ATP11B: variants seen among roughly 807,000 people sequenced by gnomAD.
ATP11B encodes the protein phospholipid-transporting ATPase IF.
Under a neutral mutation model 157.8 loss-of-function variants are expected in ATP11B, and 81 were observed. The ratio of observed to expected loss-of-function variants is 0.51; its 90% CI spans 0.43 to 0.62. The LOEUF is 0.62. ATP11B is among the 20% of genes least tolerant of loss of function. The probability of loss-of-function intolerance (pLI) is 0.00; values close to 1 mark genes in which losing one functional copy is unlikely to be tolerated. For synonymous variants in ATP11B, 451 were observed against 469.4 expected (o/e 0.96, Z 0.51); for missense variants, 1,165 against 1,402.2 (o/e 0.83, Z 2.70).
intron 12 of ATP11B, among the ~76,000 whole-genome samples, chr3:182,863,743 A>G (rs562873373): frequency 6.6e-6 from 1 of 151,958 alleles, no homozygotes; most frequent in East Asian, 1.9e-4. Context: ...AAGTTAATTT[A>G]TTTTATCCAT....
chr3:182,875,078 T>C (rs1007439602), intron 19 of ATP11B, among the ~76,000 whole-genome samples: 5 of 152,200 alleles, frequency 3.3e-5, no homozygotes, highest in Non-Finnish European at 5.9e-5. Context: ...TGTAAATCTA[T>C]CTTTTATAGG....
Position 182,869,186 on chromosome 3 carries a change from T to C in ATP11B, c.1762+35T>C, listed in dbSNP as rs1174782944. 1.4e-5 allele frequency: 23 copies of C among 1,598,588 alleles called. No individual in the cohort carries two copies. The East Asian group carries it at 5.2e-4, about 36-fold the overall frequency. On this transcript the variant is annotated intron_variant, in intron 16 of 29. Coordinates refer to ENST00000323116, the MANE Select transcript of ATP11B (RefSeq NM_014616.3). ...CTAAACTTTCATGAATTTTTATTTA[T>C]GTAATATTAAGAGTCTGATAACTCA...
chr3:182,809,251 A>ATTATT (rs920061432), intron 1 of ATP11B, among the ~76,000 whole-genome samples: 1 of 151,708 alleles, frequency 6.6e-6, no homozygotes, highest in African/African-American at 2.4e-5. Context: ...TTTAATTTTA[A>ATTATT]TTATTTTATT....
intron 29 of ATP11B, chr3:182,917,087 A>G (rs1042002126): frequency 5.1e-6 from 5 of 985,244 alleles, no homozygotes; most frequent in Non-Finnish European, 6.0e-6. Flanking sequence ...GTTGAGCTAC[A>G]TACAAACTTA....
chr3:182,905,507 A>G (rs1368079974), intron 28 of ATP11B, among the ~76,000 whole-genome samples: 2 of 152,236 alleles, frequency 1.3e-5, no homozygotes, highest in African/African-American at 4.8e-5. Context: ...AAATGAATTT[A>G]ATAGAAGAAA....
chr3:182,917,500 A>G (rs1242757297), intron 29 of ATP11B: 13 of 985,266 alleles, frequency 1.3e-5, no homozygotes, highest in Non-Finnish European at 1.6e-5. Context: ...CTAGTGACCT[A>G]CAGGTGTCTT....
chr3:182,860,597 A>G (rs1298386403), intron 12 of ATP11B, among the ~76,000 whole-genome samples: 2 of 152,134 alleles, frequency 1.3e-5, no homozygotes, highest in South Asian at 2.1e-4. Flanking sequence ...ATGTCTTTCT[A>G]TGTTTCTCTT....
rs533597351 is a variant in ATP11B at position 182,849,914 on chromosome 3, GAAAAATATAA to G, written c.851+1359_851+1368del. Among the ~76,000 whole-genome samples the G allele has an allele frequency of 1.5e-3, 229 of 152,084 alleles. 1 individual carries two copies. Among genetic ancestry groups the G allele is most frequent in the Non-Finnish European group, 2.6e-3 (178 of 67,986 alleles). Reference sequence around the variant, plus strand: ...ACCAAGATCAGCAAACTCTAAGCAGGAAAAATATAAAGAAATATAAAGAAACCCACACCAA... The same window carrying G: ...ACCAAGATCAGCAAACTCTAAGCAGGAGAAATATAAAGAAACCCACACCAA... On this transcript the variant is annotated intron_variant, in intron 10 of 29. Coordinates refer to ENST00000323116, the MANE Select transcript of ATP11B (RefSeq NM_014616.3).
chr3:182,879,756 AT>A, intron 20 of ATP11B, 107 bp downstream of exon 20: 1 of 1,034,418 alleles, frequency 9.7e-7, no homozygotes, highest in Non-Finnish European at 1.3e-6. Context: ...CAATATATAC[AT>A]TTTGCTAGGA....
chr3:182,808,217 A>C (rs1035560551), intron 1 of ATP11B, among the ~76,000 whole-genome samples: 3 of 152,214 alleles, frequency 2.0e-5, no homozygotes, highest in African/African-American at 7.2e-5. Flanking sequence ...TTAAGGTACG[A>C]TAAGTTCAGA....
chr3:182,861,454 C>T (rs2108536592), intron 12 of ATP11B, among the ~76,000 whole-genome samples: 1 of 152,294 alleles, frequency 6.6e-6, no homozygotes, highest in East Asian at 1.9e-4. Flanking sequence ...ATAAATACGG[C>T]ACTTACCTGG....
rs371088881 is a variant in ATP11B, at chr3:182,884,779, G to A, written c.2536G>A (p.Ala846Thr). 2 of 1,596,644 alleles carry A rather than the reference G, an allele frequency of 1.3e-6. No homozygotes were observed. The highest frequency in any genetic ancestry group is 1.4e-5 in the African/African-American group (1 of 73,864). The change falls in exon 22 of 30, where the codon GCT becomes ACT. Residue 846 changes from alanine to threonine, a missense_variant. By Grantham distance (58) the Ala-to-Thr change is moderately conservative. Transcript: ENST00000323116. ...AATCATGGGTAAAGAAGGAAGACAG[G>A]CTGCAAGAAACAGTGACTATGCAAT... is the stretch of plus-strand genomic sequence containing the variant. ...IGIMGKEGRQ[A>T]ARNSDYAIAR... is the part of the protein sequence containing the mutation.
chr3:182,919,518 T>C lies in ATP11B; in HGVS notation c.*1414T>C, dbSNP rs1369354468. On this transcript the variant is annotated 3_prime_UTR_variant, in exon 30 of 30. Transcript: ENST00000323116. ...TTAAGATTTAGAAGTGATTATTAGCTTGAGAACTATTACCCAGCTCTAAGC... is the reference window on the plus strand; with the variant it reads ...TTAAGATTTAGAAGTGATTATTAGCCTGAGAACTATTACCCAGCTCTAAGC... The C allele has an allele frequency of 6.6e-6, 1 of 152,598 alleles. No homozygotes were observed. Among genetic ancestry groups the C allele is most frequent in the Non-Finnish European group, 1.5e-5 (1 of 68,020 alleles). 9.5% of individuals were successfully genotyped at this position (152,598 alleles called of 1,614,324 possible). A position where few individuals can be genotyped will look rare whatever the true frequency, so the allele number is the denominator to read the frequency against.
intron 1 of ATP11B, among the ~76,000 whole-genome samples, 172 bp downstream of exon 1, chr3:182,793,958 C>T (rs1715419633): frequency 6.6e-6 from 1 of 151,896 alleles, no homozygotes. Context: ...CCGTGCGGCT[C>T]CCGGGCTCGT....
intron 27 of ATP11B, among the ~76,000 whole-genome samples, chr3:182,897,787 AAAGT>A (rs1258586253): frequency 5.3e-5 from 8 of 152,068 alleles, no homozygotes; most frequent in Admixed American, 1.3e-4. Flanking sequence ...TATATACAAT[AAAGT>A]AAGTCACATA....
intron 7 of ATP11B, among the ~76,000 whole-genome samples, chr3:182,840,093 T>A (rs1334704134): frequency 5.3e-5 from 8 of 152,218 alleles, no homozygotes; most frequent in Non-Finnish European, 1.5e-5. Flanking sequence ...AACCTTTCCA[T>A]ACTTGACTCC....
intron 17 of ATP11B, among the ~76,000 whole-genome samples, chr3:182,871,679 T>C (rs1721665055): frequency 1.3e-5 from 2 of 152,192 alleles, no homozygotes; most frequent in Admixed American, 1.3e-4. Flanking sequence ...GCTGTCTCTC[T>C]CTCTTGACAG....
chr3:182,891,832 C>T (rs967029306), intron 25 of ATP11B, among the ~76,000 whole-genome samples: 3 of 152,104 alleles, frequency 2.0e-5, no homozygotes, highest in Non-Finnish European at 4.4e-5. Context: ...CTGTAGTCAT[C>T]GTTTGAGTGA....
At chr3:182,801,169 A>G (rs755783863) in intron 1 of ATP11B, among the ~76,000 whole-genome samples, 1 of 152,206 alleles carries the variant, frequency 6.6e-6, no homozygotes, top group Admixed American at 6.5e-5. Context: ...GCAGATAATC[A>G]TACTTGTTTC....
Sources: allele counts gnomAD v4.1 joint callset (sites outside exome capture counted in the v4.1 genomes callset), GRCh38; gene constraint gnomAD v4.1.1; transcripts MANE v1.5; gene names NCBI Gene and HGNC (gene_info 2026-07-23, HGNC 2026-07-21).